MED13L: variants seen among roughly 807,000 people sequenced by gnomAD.
MED13L encodes the protein mediator of RNA polymerase II transcription subunit 13-like.
A neutral mutation model predicts 220.9 loss-of-function variants in MED13L; 7 were observed. The ratio of observed to expected loss-of-function variants is 0.03; its 90% CI spans 0.02 to 0.06. The LOEUF (loss-of-function observed/expected upper bound fraction) is 0.06. Among genes scored for constraint, MED13L ranks in the 10% least tolerant of loss-of-function variants. The probability of loss-of-function intolerance (pLI) is 1.00; values close to 1 mark genes in which losing one functional copy is unlikely to be tolerated. For synonymous variants in MED13L, 1,011 were observed against 1,015.2 expected (o/e 1.00, Z 0.08); for missense variants, 1,965 against 2,760.5 (o/e 0.71, Z 6.46).
At chr12:116,269,679 C>A (rs1873119483) in intron 1 of MED13L, among the ~76,000 whole-genome samples, 1 of 151,780 alleles carries the variant, frequency 6.6e-6, no homozygotes, top group Non-Finnish European at 1.5e-5. Context: ...ACAAAACAGA[C>A]AAAAAAGAAA....
At chr12:116,056,764 G>T (rs1869009983) in intron 4 of MED13L, among the ~76,000 whole-genome samples, 1 of 152,068 alleles carries the variant, frequency 6.6e-6, no homozygotes, top group South Asian at 2.1e-4. Context: ...ACTCTTAAAT[G>T]ATTGCACAAT....
At chr12:116,080,692 C>G (rs1247834122) in intron 4 of MED13L, among the ~76,000 whole-genome samples, 6 of 152,146 alleles carry the variant, frequency 3.9e-5, no homozygotes, top group African/African-American at 1.4e-4. Context: ...AAAGTAAAAT[C>G]AATGCAGATA....
intron 2 of MED13L, among the ~76,000 whole-genome samples, chr12:116,190,440 A>G (rs1017662640): frequency 2.6e-5 from 4 of 152,210 alleles, no homozygotes; most frequent in Non-Finnish European, 5.9e-5. Context: ...TTTGTTAAGT[A>G]TGGAACTTGT....
chr12:116,013,164 G>A (rs1156951531), intron 8 of MED13L, among the ~76,000 whole-genome samples: 2 of 152,132 alleles, frequency 1.3e-5, no homozygotes, highest in Non-Finnish European at 2.9e-5. Flanking sequence ...CTTGAGTCCA[G>A]GAGTTTGAGA....
intron 3 of MED13L, 39 bp from the exon 4 acceptor site, chr12:116,096,791 G>A: frequency 6.7e-7 from 1 of 1,491,584 alleles, no homozygotes; most frequent in Non-Finnish European, 9.4e-7. Context: ...TATAGTATCA[G>A]TAACAAATTA....
At chr12:116,068,197 T>C (rs2137669443) in intron 4 of MED13L, among the ~76,000 whole-genome samples, 1 of 152,284 alleles carries the variant, frequency 6.6e-6, no homozygotes, top group South Asian at 2.1e-4. Flanking sequence ...AAGTTCTATG[T>C]GCCTGCCGTA....
In MED13L at chr12:116,012,788, A is replaced by G; in HGVS notation, c.1280+9T>C. ...GATCCATTACTATTTTGCCTTTTTT[A>G]TTACCTACCTGGAACAAGAACAGCT... On this transcript the variant is annotated intron_variant, in intron 9 of 30. Transcript: ENST00000281928. The G allele has an allele frequency of 6.2e-7, 1 of 1,600,970 alleles. No homozygotes were observed. Among genetic ancestry groups the G allele is most frequent in the South Asian group, 1.1e-5 (1 of 90,820 alleles).
rs898940161 is a variant in MED13L, at chr12:116,253,762, T to G, written c.73-16057A>C. Reference sequence around the variant, plus strand: ...CTTCACGGTTTTTTTTGTTTTTTTTTTTTTTTTTTTTTTTTTTGAGACAGT... The same window carrying G: ...CTTCACGGTTTTTTTTGTTTTTTTTGTTTTTTTTTTTTTTTTTGAGACAGT... On this transcript the variant is annotated intron_variant, in intron 1 of 30. Coordinates refer to ENST00000281928, the MANE Select transcript of MED13L (RefSeq NM_015335.5). Among the ~76,000 whole-genome samples, 287 of 137,790 alleles carry G rather than the reference T, an allele frequency of 2.1e-3. 5 individuals carry two copies. The highest frequency in any genetic ancestry group is 2.8e-3 in the East Asian group (14 of 4,932). The allele number at this position is 137,790 out of a possible 152,430, so 90.4% of individuals were successfully genotyped here. A position where few individuals can be genotyped will look rare whatever the true frequency, so the allele number is the denominator to read the frequency against.
chr12:116,229,866 C>A (rs902240753), intron 2 of MED13L, among the ~76,000 whole-genome samples: 1 of 152,146 alleles, frequency 6.6e-6, no homozygotes, highest in African/African-American at 2.4e-5. Flanking sequence ...TACTTTATAG[C>A]TTTGGCAAAC....
At chr12:116,167,004 G>A (rs1221939539) in intron 2 of MED13L, among the ~76,000 whole-genome samples, 1 of 152,058 alleles carries the variant, frequency 6.6e-6, no homozygotes, top group Non-Finnish European at 1.5e-5. Flanking sequence ...CTTCAAGTAT[G>A]AAGACAAAAT....
At chr12:115,961,629 C>T (rs1351865255) in intron 30 of MED13L, 1 of 590,874 alleles carries the variant, frequency 1.7e-6, no homozygotes, top group African/African-American at 1.9e-5. Flanking sequence ...GCCAGTGAGG[C>T]CAGTAGGAAC....
intron 2 of MED13L, among the ~76,000 whole-genome samples, chr12:116,226,339 C>G (rs1306578364): frequency 6.6e-6 from 1 of 152,072 alleles, no homozygotes; most frequent in Non-Finnish European, 1.5e-5. Flanking sequence ...AAACAAGACC[C>G]AATTATACTA....
At chr12:116,173,864 C>T (rs1268123964) in intron 2 of MED13L, among the ~76,000 whole-genome samples, 1 of 152,056 alleles carries the variant, frequency 6.6e-6, no homozygotes, top group African/African-American at 2.4e-5. Flanking sequence ...TTTGGGAGGC[C>T]AAGGCGAGAG....
intron 2 of MED13L, among the ~76,000 whole-genome samples, chr12:116,190,742 G>C (rs1202087617): frequency 6.6e-6 from 1 of 152,112 alleles, no homozygotes; most frequent in African/African-American, 2.4e-5. Context: ...GATACAATTT[G>C]ACCTTGTCAA....
At chr12:116,118,257 C>T (rs998156264) in intron 2 of MED13L, among the ~76,000 whole-genome samples, 4 of 151,674 alleles carry the variant, frequency 2.6e-5, no homozygotes, top group Non-Finnish European at 4.4e-5. Context: ...AGTAGTAATA[C>T]AAAATAAAAC....
Position 115,970,648 on chromosome 12 carries a change from T to A in MED13L, c.6013A>T (p.Ile2005Phe), listed in dbSNP as rs1876518341. The change falls in exon 27 of 31, where the codon ATC becomes TTC. Residue 2005 changes from isoleucine to phenylalanine, a missense_variant. Ile to Phe is a conservative substitution (Grantham distance 21, BLOSUM62 0). Transcript: ENST00000281928. The stretch of plus-strand genomic sequence containing the variant: ...GGGTAGTTGGCTGGAGCCACCTGGA[T>A]GGTTGATGATGTTGGGAACACCAAG... Reference protein sequence around the residue: ...HILVFPTSSTIQVAPANYPNE... With the variant: ...HILVFPTSSTFQVAPANYPNE... 1.2e-6 allele frequency: 2 copies of A among 1,613,882 alleles called. No individual in the cohort carries two copies. Among genetic ancestry groups the A allele is most frequent in the African/African-American group, 1.3e-5 (1 of 74,916 alleles).
chr12:116,006,334 C>T lies in MED13L; in HGVS notation c.2316G>A (p.Met772Ile). ...STPVPDGKNA[M>I]SIFSSATKTD... ...TTTTAGTAGCAGAACTGAAAATAGA[C>T]ATGGCATTTTTCCCATCAGGCACCG... is the stretch of plus-strand genomic sequence containing the variant. The change falls in exon 12 of 31, where the codon ATG (methionine) becomes ATA (isoleucine). Residue 772 changes from methionine to isoleucine, a missense_variant. Met to Ile is a conservative substitution (Grantham distance 10, BLOSUM62 1). Coordinates refer to ENST00000281928, the MANE Select transcript of MED13L (RefSeq NM_015335.5). 2 of 1,613,942 alleles carry T rather than the reference C, an allele frequency of 1.2e-6. No individual in the cohort carries two copies. Among genetic ancestry groups the T allele is most frequent in the Non-Finnish European group, 1.7e-6 (2 of 1,179,874 alleles).
At chr12:116,052,951 G>A (rs577760207) in intron 4 of MED13L, among the ~76,000 whole-genome samples, 1 of 152,298 alleles carries the variant, frequency 6.6e-6, no homozygotes, top group Admixed American at 6.5e-5. Flanking sequence ...AGTAAGTCAT[G>A]TAAGGCAAGC....
chr12:116,120,817 CTA>C (rs1285051998), intron 2 of MED13L, among the ~76,000 whole-genome samples: 1 of 152,024 alleles, frequency 6.6e-6, no homozygotes, highest in African/African-American at 2.4e-5. Flanking sequence ...AGCAAAAAGA[CTA>C]TCTCTATAGA....
Sources: gnomAD v4.1 joint callset for allele counts (sites outside exome capture counted in the v4.1 genomes callset) on GRCh38, gnomAD v4.1.1 for gene constraint, MANE v1.5 for transcripts, NCBI Gene and HGNC (gene_info 2026-07-23, HGNC 2026-07-21) for gene names.